PRKDC: variants seen among roughly 807,000 people sequenced by gnomAD.
The protein encoded by PRKDC is protein kinase, DNA-activated, catalytic subunit.
PRKDC carries 82 observed loss-of-function variants against 486.9 expected under a neutral mutation model. The observed-to-expected ratio is 0.17, with a 90% CI of 0.14 to 0.20. The LOEUF (loss-of-function observed/expected upper bound fraction) is 0.20, where lower values mean the gene tolerates loss of function less well. Ranked by LOEUF, PRKDC falls within the 10% of genes least tolerant of loss-of-function variation. PRKDC has a pLI of 1.00. For synonymous variants in PRKDC, 1,895 were observed against 1,837.0 expected (o/e 1.03, Z -0.81); for missense variants, 4,504 against 5,038.2 (o/e 0.89, Z 3.21).
At chr8:47,889,829 C>T (rs2089419046) in intron 32 of PRKDC, among the ~76,000 whole-genome samples, 1 of 152,220 alleles carries the variant, frequency 6.6e-6, no homozygotes, top group Admixed American at 6.5e-5. Flanking sequence ...TAGTTAATAA[C>T]GATGCATTGT....
At chr8:47,904,771 C>A (rs372685984) in intron 26 of PRKDC, 98 bp downstream of exon 26, 2 of 949,842 alleles carry the variant, frequency 2.1e-6, no homozygotes, top group African/African-American at 1.7e-5. Context: ...CCAGCCTGGG[C>A]GACGGAGCAA....
At chr8:47,824,131 C>A in intron 63 of PRKDC, 135 bp from the exon 64 acceptor site, 1 of 972,456 alleles carries the variant, frequency 1.0e-6, no homozygotes, top group Non-Finnish European at 1.4e-6. Flanking sequence ...TTTAATTTTG[C>A]TAAAAATATA....
rs374822637 is a variant in PRKDC at position 47,778,637 on chromosome 8, G to A, written c.11675C>T (p.Thr3892Ile). 59 of 1,613,412 alleles carry A rather than the reference G, an allele frequency of 3.7e-5. No individual in the cohort carries two copies. The highest frequency in any genetic ancestry group is 4.6e-5 in the Non-Finnish European group (54 of 1,179,690). The part of the protein sequence containing the change: ...LLKRAFVRMS[T>I]SPEAFLALRS... ...GAGCGCCAGGAAAGCCTCAGGGCTT[G>A]TACTCATCCTCACGAAGGCCCGCCT... The change falls in exon 83 of 86, where the codon ACA becomes ATA. Residue 3892 changes from threonine (T) to isoleucine (I), a missense_variant. This residue lies in a region of PRKDC where 706 missense variants were observed against 945.0 expected (regional missense o/e 0.75). Transcript: ENST00000314191.
At chr8:47,879,830 TCAG>T (rs1355167156) in intron 38 of PRKDC, among the ~76,000 whole-genome samples, 172 bp from the exon 39 acceptor site, 2 of 145,160 alleles carry the variant, frequency 1.4e-5, no homozygotes, top group Non-Finnish European at 3.0e-5. Context: ...ATTCTATACC[TCAG>T]CTTTTTTTTT....
At chr8:47,777,112 C>T in intron 84 of PRKDC, 129 bp from the exon 85 acceptor site, 1 of 1,190,162 alleles carries the variant, frequency 8.4e-7, no homozygotes. Flanking sequence ...TTGCTTTCTA[C>T]AGCTACAAAG....
At position 47,777,087 on chromosome 8, in the gene PRKDC, T is replaced by C. The variant is rs538781158; in HGVS notation, c.12043-104A>G. ...TGATCTTAAAGTAAACAAACATCTA[T>C]AACCAGGAGCAGCCTTGCTTTCTAC... On this transcript the variant is annotated intron_variant, in intron 84 of 85. Transcript: ENST00000314191. 83 of 1,396,988 alleles carry C rather than the reference T, an allele frequency of 5.9e-5. No homozygotes were observed. The East Asian group carries it at 1.3e-3, about 22-fold the overall frequency. 86.5% of individuals were successfully genotyped at this position (1,396,988 alleles called of 1,614,324 possible). A position where few individuals can be genotyped will look rare whatever the true frequency, so the allele number is the denominator to read the frequency against.
At chr8:47,906,999 C>A (rs2089795198) in intron 25 of PRKDC, among the ~76,000 whole-genome samples, 1 of 151,028 alleles carries the variant, frequency 6.6e-6, no homozygotes, top group African/African-American at 2.4e-5. Flanking sequence ...AAAGTTTAAC[C>A]TGGTCTTAAA....
chr8:47,855,345 T>C lies in PRKDC; in HGVS notation c.6638A>G (p.Asn2213Ser). Residue 2213 changes from asparagine to serine, a missense_variant, in exon 50 of 86, where the codon AAT (asparagine) becomes AGT (serine). Transcript: ENST00000314191. ...TTTCATTAGGAAATTAAGCAATCGA[T>C]TTGCTAACACTTCATCTTTAGGGAC... ...TGVPKDEVLA[N>S]RLLNFLMKHV... 6.2e-7 allele frequency: 1 copy of C among 1,600,110 alleles called. No homozygotes were observed. The highest frequency in any genetic ancestry group is 8.5e-7 in the Non-Finnish European group (1 of 1,172,378).
chr8:47,943,448 A>T, intron 9 of PRKDC, 82 bp from the exon 10 acceptor site: 1 of 1,388,300 alleles, frequency 7.2e-7, no homozygotes, highest in Non-Finnish European at 9.7e-7. Flanking sequence ...GGGATATGTC[A>T]AAGTCAACAC....
chr8:47,840,790 G>C (rs1376194952), intron 54 of PRKDC, among the ~76,000 whole-genome samples: 1 of 152,138 alleles, frequency 6.6e-6, no homozygotes, highest in Non-Finnish European at 1.5e-5. Flanking sequence ...TGAATGTAAG[G>C]ATATTAGGAC....
intron 61 of PRKDC, among the ~76,000 whole-genome samples, chr8:47,829,635 G>C (rs1485371010): frequency 5.3e-5 from 8 of 151,914 alleles, no homozygotes; most frequent in African/African-American, 1.9e-4. Context: ...TAAAATTTTA[G>C]AAAATATGGC....
chr8:47,884,005 G>C (rs913457118), intron 36 of PRKDC, among the ~76,000 whole-genome samples: 3 of 152,246 alleles, frequency 2.0e-5, no homozygotes, highest in African/African-American at 4.8e-5. Flanking sequence ...GGCTTGTCAG[G>C]ATATTCTGGT....
Position 47,849,255 on chromosome 8 carries a change from C to T in PRKDC, c.7179G>A (p.Leu2393=). 1 of 1,613,960 alleles carries T rather than the reference C, an allele frequency of 6.2e-7. No homozygotes were observed. Among genetic ancestry groups the T allele is most frequent in the Non-Finnish European group, 8.5e-7 (1 of 1,179,882 alleles). Residue 2393 remains leucine (L), a synonymous_variant, in exon 54 of 86, where the codon TTG becomes TTA. Transcript: ENST00000314191. ...GTACCACCTCCAGACAGAGTGTTTT[C>T]AACACTCCATGAAATTTTGGCAGCA... is the stretch of plus-strand genomic sequence containing the variant. ...FFLLPKFHGV[L]KTLCLEVVLC... is the part of the protein sequence containing the mutation.
chr8:47,885,618 T>G (rs1233912197), intron 36 of PRKDC, among the ~76,000 whole-genome samples: 3 of 151,794 alleles, frequency 2.0e-5, no homozygotes, highest in Admixed American at 2.0e-4. Flanking sequence ...ATTGACCGGG[T>G]GCAGTGGCTC....
In PRKDC at chr8:47,777,073, T is replaced by A. The variant is rs977966609; in HGVS notation, c.12043-90A>T. ...ATTAAATCTAGTAATGATCTTAAAGTAAACAAACATCTATAACCAGGAGCA... is the reference window on the plus strand; with the variant it reads ...ATTAAATCTAGTAATGATCTTAAAGAAAACAAACATCTATAACCAGGAGCA... On this transcript the variant is annotated intron_variant, in intron 84 of 85. Transcript: ENST00000314191. 14 of 1,457,102 alleles carry A rather than the reference T, an allele frequency of 9.6e-6. No homozygotes were observed. In the African/African-American group the frequency reaches 2.0e-4, roughly 21 times the overall value. 90.3% of individuals were successfully genotyped at this position (1,457,102 alleles called of 1,614,324 possible).
intron 74 of PRKDC, among the ~76,000 whole-genome samples, chr8:47,793,618 C>T (rs992517951): frequency 1.1e-4 from 15 of 138,812 alleles, no homozygotes; most frequent in East Asian, 4.2e-4. Flanking sequence ...CAGCACAATA[C>T]TCTGTCTCAA....
At position 47,943,303 on chromosome 8, in the gene PRKDC, A is replaced by G. The variant is rs755203467; in HGVS notation, c.872T>C (p.Val291Ala). Reference protein sequence around the residue: ...QFSTCLLDNYVSLFEVLLKWC... With the variant: ...QFSTCLLDNYASLFEVLLKWC... The stretch of plus-strand genomic sequence containing the variant: ...CTTTAACAAGACTTCAAATAGAGAC[A>G]CGTAGTTGTCCAGAAGGCAGGTGCT... The change falls in exon 10 of 86, where the codon GTG (valine) becomes GCG (alanine). Residue 291 changes from valine (V) to alanine (A), a missense_variant. By Grantham distance (64) the Val-to-Ala change is moderately conservative. Around this residue, in one of 6 missense-constraint regions of PRKDC, gnomAD observed 1,969 missense variants for 2,068.9 expected, o/e 0.95. Coordinates refer to ENST00000314191, the MANE Select transcript of PRKDC (RefSeq NM_006904.7). 2 of 1,612,510 alleles carry G rather than the reference A, an allele frequency of 1.2e-6. No individual in the cohort carries two copies. The highest frequency in any genetic ancestry group is 2.2e-5 in the South Asian group (2 of 90,642).
At chr8:47,905,260 C>T (rs1589781539) in intron 25 of PRKDC, among the ~76,000 whole-genome samples, 1 of 152,044 alleles carries the variant, frequency 6.6e-6, no homozygotes, top group African/African-American at 2.4e-5. Context: ...AACTCCTGGC[C>T]TCAAGTGATC....
At chr8:47,887,053 G>A (rs915299737) in intron 35 of PRKDC, among the ~76,000 whole-genome samples, 1 of 152,182 alleles carries the variant, frequency 6.6e-6, no homozygotes, top group Non-Finnish European at 1.5e-5. Flanking sequence ...TTCTGCTACA[G>A]AAGAAAGAAA....
Sources: gnomAD v4.1 joint callset for allele counts (sites outside exome capture counted in the v4.1 genomes callset) on GRCh38, gnomAD v4.1.1 for gene constraint, gnomAD v4.1.1 regional missense constraint, MANE v1.5 for transcripts, NCBI Gene and HGNC (gene_info 2026-07-23, HGNC 2026-07-21) for gene names.